Variants in ITGA8 observed in about 807,000 individuals in gnomAD.
ITGA8 encodes integrin alpha-8.
ITGA8 carries 91 observed loss-of-function variants against 142.3 expected under a neutral mutation model. That is an observed-to-expected ratio of 0.64 (90% confidence interval 0.54 to 0.76). The LOEUF is 0.76. Among genes scored for constraint, ITGA8 ranks in the 30% least tolerant of loss-of-function variants. The pLI is 0.00. For synonymous variants in ITGA8, 505 were observed against 485.2 expected (o/e 1.04, Z -0.54); for missense variants, 1,406 against 1,327.7 (o/e 1.06, Z -0.92).
intron 3 of ITGA8, 70 bp from the exon 4 acceptor site, chr10:15,684,197 T>C: frequency 5.3e-6 from 8 of 1,496,252 alleles, no homozygotes; most frequent in Non-Finnish European, 7.3e-6. Context: ...TTATTTGAAT[T>C]ATTGGTATAA....
chr10:15,592,439 G>A (rs1832943116), intron 21 of ITGA8, 135 bp from the exon 22 acceptor site: 7 of 663,638 alleles, frequency 1.1e-5, no homozygotes, highest in Non-Finnish European at 1.8e-5. Context: ...AGGTGGCTGA[G>A]AGCCAAGAGA....
intron 13 of ITGA8, among the ~76,000 whole-genome samples, chr10:15,628,664 G>T (rs921863431): frequency 2.0e-5 from 3 of 151,662 alleles, no homozygotes; most frequent in African/African-American, 7.3e-5. Flanking sequence ...TAAGATCCAA[G>T]AACCCTCTCT....
At position 15,672,702 on chromosome 10, in the gene ITGA8, A is replaced by G. The variant is rs1273773445; in HGVS notation, c.724T>C (p.Phe242Leu). The G allele has an allele frequency of 3.7e-6, 6 of 1,613,776 alleles. No individual in the cohort carries two copies. Among genetic ancestry groups the G allele is most frequent in the Non-Finnish European group, 4.2e-6 (5 of 1,179,840 alleles). ...SVADIIANYS[F>L]KDILRKLAGE... is the part of the protein sequence containing the mutation. ...GCCAGTTTCCTGAGGATATCCTTGA[A>G]TGAGTAATTTGCAATGATATCTGCA... Residue 242 changes from phenylalanine to leucine, a missense_variant, in exon 7 of 30, where the codon TTC (phenylalanine) becomes CTC (leucine). Coordinates refer to ENST00000378076, the MANE Select transcript of ITGA8 (RefSeq NM_003638.3).
At chr10:15,655,505 T>C in intron 10 of ITGA8, 99 bp from the exon 11 acceptor site, 1 of 852,860 alleles carries the variant, frequency 1.2e-6, no homozygotes, top group Non-Finnish European at 1.9e-6. Context: ...TTGTGGTACA[T>C]TTTTGCATTG....
chr10:15,605,379 G>A (rs551275860), intron 19 of ITGA8, among the ~76,000 whole-genome samples: 1 of 152,302 alleles, frequency 6.6e-6, no homozygotes, highest in South Asian at 2.1e-4. Context: ...GGTTGAAGGT[G>A]TAGATGGAAC....
chr10:15,670,415 AT>A (rs1448051448), intron 8 of ITGA8, among the ~76,000 whole-genome samples: 1 of 152,232 alleles, frequency 6.6e-6, no homozygotes, highest in East Asian at 1.9e-4. Flanking sequence ...AGCCTAAGGA[AT>A]AGAGAGTGTG....
At position 15,671,120 on chromosome 10, in the gene ITGA8, G is replaced by A. The variant is rs183592342; in HGVS notation, c.847+483C>T. Among the ~76,000 whole-genome samples, 8 of 152,312 alleles carry A rather than the reference G, an allele frequency of 5.3e-5. No homozygotes were observed. In the East Asian group the frequency reaches 1.2e-3, roughly 22 times the overall value. On this transcript the variant is annotated intron_variant, in intron 8 of 29. Coordinates refer to ENST00000378076, the MANE Select transcript of ITGA8 (RefSeq NM_003638.3). ...AGCCACAGCAAAGCAGAGAAGACAG[G>A]ACAGAAGGGATATACAGGAGATAGG... is the stretch of plus-strand genomic sequence containing the variant.
At chr10:15,622,412 A>G (rs1208973732) in intron 13 of ITGA8, among the ~76,000 whole-genome samples, 2 of 152,192 alleles carry the variant, frequency 1.3e-5, no homozygotes, top group South Asian at 2.1e-4. Flanking sequence ...CCAGACAATG[A>G]GAATGGCCAC....
intron 10 of ITGA8, among the ~76,000 whole-genome samples, chr10:15,657,756 G>A (rs927225771): frequency 1.3e-5 from 2 of 152,050 alleles, no homozygotes; most frequent in African/African-American, 4.8e-5. Context: ...AACATGGTTA[G>A]TTTTAAATGT....
intron 2 of ITGA8, among the ~76,000 whole-genome samples, chr10:15,691,317 A>C (rs1448624510): frequency 1.3e-5 from 2 of 152,220 alleles, no homozygotes; most frequent in Admixed American, 6.5e-5. Flanking sequence ...GAGCTACCAT[A>C]TGATCCAGCA....
chr10:15,705,704 G>A (rs896091291), intron 2 of ITGA8, among the ~76,000 whole-genome samples: 2 of 152,056 alleles, frequency 1.3e-5, no homozygotes, highest in African/African-American at 4.8e-5. Context: ...ATTCTCTCTT[G>A]ACACACTCCA....
At chr10:15,585,860 A>G (rs1294437835) in intron 23 of ITGA8, among the ~76,000 whole-genome samples, 2 of 152,126 alleles carry the variant, frequency 1.3e-5, no homozygotes, top group Non-Finnish European at 2.9e-5. Flanking sequence ...CGACCCTTGC[A>G]TCTGAGAGTT....
chr10:15,621,632 G>A (rs1476740725), intron 13 of ITGA8, among the ~76,000 whole-genome samples: 1 of 152,146 alleles, frequency 6.6e-6, no homozygotes, highest in Non-Finnish European at 1.5e-5. Context: ...AGGAAACAGT[G>A]AAGGGAGGGA....
chr10:15,632,853 T>G (rs1456690237), intron 13 of ITGA8, among the ~76,000 whole-genome samples: 2 of 151,230 alleles, frequency 1.3e-5, no homozygotes, highest in East Asian at 3.9e-4. Context: ...GCACAGCAGC[T>G]CCCAGGCTGT....
chr10:15,719,778 C>G lies in ITGA8; in HGVS notation c.-7G>C, dbSNP rs1835528495. On this transcript the variant is annotated 5_prime_UTR_variant, in exon 1 of 30. Coordinates refer to ENST00000378076, the MANE Select transcript of ITGA8 (RefSeq NM_003638.3). ...GGCTGGCCCCGGGCGACATCTCCCT[C>G]CGCCCCGGTGGGTGGCTGCTACCCA... 1 of 1,347,052 alleles carries G rather than the reference C, an allele frequency of 7.4e-7. No homozygotes were observed. Among genetic ancestry groups the G allele is most frequent in the East Asian group, 3.1e-5 (1 of 31,988 alleles). 83.4% of individuals were successfully genotyped at this position (1,347,052 alleles called of 1,614,324 possible).
chr10:15,572,232 A>T lies in ITGA8; in HGVS notation c.2616T>A (p.Asn872Lys). ...LGPLQCQPNP[N>K]INPQDIKPAA... ...CTACCTTTATATCCTGTGGATTGAT[A>T]TTAGGATTTGGTTGGCACTGCAGAG... The change falls in exon 25 of 30, where the codon AAT becomes AAA. Residue 872 changes from asparagine (N) to lysine (K), a missense_variant. Transcript: ENST00000378076. 5 of 1,613,870 alleles carry T rather than the reference A, an allele frequency of 3.1e-6. No homozygotes were observed. Among genetic ancestry groups the T allele is most frequent in the Non-Finnish European group, 4.2e-6 (5 of 1,179,788 alleles).
At position 15,537,143 on chromosome 10, in the gene ITGA8, A is replaced by G. The variant is rs575275165; in HGVS notation, c.2881-5992T>C. ...ACCAGTTTGCATGTTCGTTACATGG[A>G]CAGAAACCAACATAACGCAACAAGT... is the stretch of plus-strand genomic sequence containing the variant. On this transcript the variant is annotated intron_variant, in intron 27 of 29. Coordinates refer to ENST00000378076, the MANE Select transcript of ITGA8 (RefSeq NM_003638.3). Among the ~76,000 whole-genome samples the G allele has an allele frequency of 2.0e-5, 3 of 152,302 alleles. No individual in the cohort carries two copies. In the East Asian group the frequency reaches 5.8e-4, roughly 29 times the overall value.
At chr10:15,621,473 A>G (rs1231247707) in intron 13 of ITGA8, among the ~76,000 whole-genome samples, 3 of 152,152 alleles carry the variant, frequency 2.0e-5, no homozygotes, top group Non-Finnish European at 4.4e-5. Context: ...TTTTTAAATG[A>G]GGAAGAAAAG....
chr10:15,534,205 C>T (rs925536757), intron 27 of ITGA8, among the ~76,000 whole-genome samples: 8 of 152,152 alleles, frequency 5.3e-5, no homozygotes, highest in East Asian at 1.9e-4. Context: ...CCACCATGCC[C>T]AGCCTCATCA....
Sources: allele counts gnomAD v4.1 joint callset (sites outside exome capture counted in the v4.1 genomes callset), GRCh38; gene constraint gnomAD v4.1.1; transcripts MANE v1.5; gene names NCBI Gene and HGNC (gene_info 2026-07-23, HGNC 2026-07-21).